The following COL11A1 variants were observed in gnomAD, a reference collection of about 807,000 sequenced individuals.
COL11A1 encodes collagen type XI alpha 1 chain.
A neutral mutation model predicts 265.2 loss-of-function variants in COL11A1; 74 were observed. That is an observed-to-expected ratio of 0.28 (90% confidence interval 0.23 to 0.34). The LOEUF is 0.34. Ranked by LOEUF, COL11A1 falls within the 10% of genes least tolerant of loss-of-function variation. The pLI is 1.00. For synonymous variants in COL11A1, 816 were observed against 727.6 expected (o/e 1.12, Z -1.96); for missense variants, 2,165 against 2,263.6 (o/e 0.96, Z 0.88).
intron 65 of COL11A1, among the ~76,000 whole-genome samples, chr1:102,880,215 GA>G (rs1300413621): frequency 2.0e-5 from 3 of 151,914 alleles, no homozygotes; most frequent in African/African-American, 7.3e-5. Context: ...TAGTTTCCAA[GA>G]AATGTTTCAA....
intron 57 of COL11A1, among the ~76,000 whole-genome samples, chr1:102,895,694 C>A (rs1652338566): frequency 6.6e-6 from 1 of 151,740 alleles, no homozygotes; most frequent in Non-Finnish European, 1.5e-5. Context: ...GTTATCCACA[C>A]TTACACCTCT....
chr1:103,073,480 G>C (rs1291911888), intron 4 of COL11A1, among the ~76,000 whole-genome samples: 2 of 151,496 alleles, frequency 1.3e-5, no homozygotes, highest in African/African-American at 4.8e-5. Context: ...TTGGATATTG[G>C]GATATCTGAG....
intron 3 of COL11A1, among the ~76,000 whole-genome samples, chr1:103,077,122 A>G (rs1672035283): frequency 6.6e-6 from 1 of 152,168 alleles, no homozygotes; most frequent in South Asian, 2.1e-4. Context: ...AACTGTATTC[A>G]ACATATTATC....
intron 15 of COL11A1, among the ~76,000 whole-genome samples, chr1:103,006,787 C>G (rs1665668397): frequency 6.6e-6 from 1 of 152,044 alleles, no homozygotes; most frequent in African/African-American, 2.4e-5. Context: ...CTCGGCCTCC[C>G]AAAATGCTGG....
intron 42 of COL11A1, among the ~76,000 whole-genome samples, chr1:102,940,847 A>C (rs1291698189): frequency 6.6e-6 from 1 of 152,084 alleles, no homozygotes; most frequent in Non-Finnish European, 1.5e-5. Context: ...CATATGCTTT[A>C]TATGTTTCAT....
At chr1:102,908,821 T>C (rs908636100) in intron 54 of COL11A1, among the ~76,000 whole-genome samples, 10 of 152,268 alleles carry the variant, frequency 6.6e-5, no homozygotes, top group Admixed American at 2.0e-4. Flanking sequence ...TTAACCATAA[T>C]TTTATTTTTT....
chr1:103,098,770 G>C (rs1673993681), intron 1 of COL11A1, among the ~76,000 whole-genome samples: 1 of 151,806 alleles, frequency 6.6e-6, no homozygotes, highest in Non-Finnish European at 1.5e-5. Flanking sequence ...AATCTTCAAT[G>C]CTTGAAGAAA....
At chr1:103,078,518 T>C (rs534608913) in intron 3 of COL11A1, 140 bp downstream of exon 3, 88 of 733,296 alleles carry the variant, frequency 1.2e-4, no homozygotes, top group Admixed American at 6.9e-4. Flanking sequence ...CTATAAATTA[T>C]GTCTTTATGT....
At chr1:103,074,502 C>G in intron 4 of COL11A1, 116 bp downstream of exon 4, 2 of 1,153,460 alleles carry the variant, frequency 1.7e-6, no homozygotes, top group Non-Finnish European at 2.5e-6. Flanking sequence ...CTAGGTCACC[C>G]TTTAGAGTTT....
rs923013813 is a variant in COL11A1, at chr1:103,049,609, A to T, written c.652-18365T>A. 2.2e-4 allele frequency among the ~76,000 whole-genome samples: 34 copies of T among 152,120 alleles called. 1 individual carries two copies. The highest frequency in any genetic ancestry group is 1.2e-3 in the Admixed American group (19 of 15,272). On this transcript the variant is annotated intron_variant, in intron 4 of 66. Transcript: ENST00000370096. ...ATTTAGCCCATTTACATTCAAAGTT[A>T]ATATCGTTATGTGTTAATTTGATCC...
chr1:102,987,589 C>T (rs1465943843), intron 30 of COL11A1, 44 bp downstream of exon 30: 1 of 1,376,670 alleles, frequency 7.3e-7, no homozygotes, highest in Non-Finnish European at 1.0e-6. Flanking sequence ...GATAATGAAA[C>T]ATCAGCTGCA....
chr1:102,984,733 T>G (rs1663373294), intron 30 of COL11A1, among the ~76,000 whole-genome samples: 1 of 152,006 alleles, frequency 6.6e-6, no homozygotes, highest in African/African-American at 2.4e-5. Flanking sequence ...TTAAGACAAA[T>G]TTCTTCTTTC....
chr1:103,051,817 T>C (rs1438333573), intron 4 of COL11A1, among the ~76,000 whole-genome samples: 2 of 152,220 alleles, frequency 1.3e-5, no homozygotes, highest in African/African-American at 2.4e-5. Flanking sequence ...GTGTTTACTA[T>C]AAAACTCAAG....
rs985135508 is a variant in COL11A1 at position 102,890,490 on chromosome 1, T to A, written c.4317A>T (p.Leu1439Phe). The change falls in exon 58 of 67, where the codon TTA becomes TTT. Residue 1439 changes from leucine to phenylalanine, a missense_variant. Coordinates refer to ENST00000370096, the MANE Select transcript of COL11A1 (RefSeq NM_001854.4). ...GPPGPMGPPG[L>F]PGLKGDPGSK... ...AGCCAGGGTCACCTTTGAGACCAGG[T>A]AAGCCAGGAGGTCCCTAAATAATAA... 1.9e-6 allele frequency: 3 copies of A among 1,607,240 alleles called. No individual in the cohort carries two copies. The African/African-American group carries it at 4.1e-5, about 22-fold the overall frequency.
chr1:103,089,660 G>A (rs938108695), intron 1 of COL11A1, among the ~76,000 whole-genome samples: 3 of 152,290 alleles, frequency 2.0e-5, no homozygotes, highest in Middle Eastern at 3.4e-3. Flanking sequence ...AATAATCAAT[G>A]GAGAAATGTT....
intron 14 of COL11A1, among the ~76,000 whole-genome samples, chr1:103,009,338 G>A (rs915518642): frequency 3.3e-5 from 5 of 152,036 alleles, no homozygotes; most frequent in African/African-American, 4.8e-5. Flanking sequence ...TGCTTGAAAC[G>A]GACAGGCAGA....
At chr1:102,996,349 C>T (rs1333359181) in intron 26 of COL11A1, among the ~76,000 whole-genome samples, 2 of 151,876 alleles carry the variant, frequency 1.3e-5, no homozygotes, top group Non-Finnish European at 2.9e-5. Context: ...AAATTAATAA[C>T]TAGATTTTTA....
intron 38 of COL11A1, among the ~76,000 whole-genome samples, chr1:102,963,056 G>C (rs1661075010): frequency 6.6e-6 from 1 of 152,090 alleles, no homozygotes. Flanking sequence ...GCCAGTCCAA[G>C]TATTATGAAA....
chr1:102,924,749 C>A (rs570037206), intron 46 of COL11A1, among the ~76,000 whole-genome samples: 171 of 152,184 alleles, frequency 1.1e-3, no homozygotes, highest in African/African-American at 4.0e-3. Context: ...TAAAGAAATT[C>A]AGTTACATAA....
Sources: gnomAD v4.1 joint callset for allele counts (sites outside exome capture counted in the v4.1 genomes callset) on GRCh38, gnomAD v4.1.1 for gene constraint, MANE v1.5 for transcripts, NCBI Gene and HGNC (gene_info 2026-07-23, HGNC 2026-07-21) for gene names.